The following ATXN7 variants were observed in gnomAD, a reference collection of about 807,000 sequenced individuals.
ATXN7 encodes ataxin 7.
In ATXN7, 12 loss-of-function variants were observed where a neutral mutation model predicts 70.5. The ratio of observed to expected loss-of-function variants is 0.17; its 90% CI spans 0.11 to 0.28. The LOEUF (loss-of-function observed/expected upper bound fraction) is 0.28. Among genes scored for constraint, ATXN7 ranks in the 10% least tolerant of loss-of-function variants. ATXN7 has a pLI of 1.00. For missense variants in ATXN7, 1,256 were observed against 1,131.7 expected, an observed-to-expected ratio of 1.11 and a Z score of -1.58; for synonymous variants, 498 against 448.7, an observed-to-expected ratio of 1.11 and a Z score of -1.39.
intron 1 of ATXN7, among the ~76,000 whole-genome samples, chr3:63,897,982 A>C (rs1703495278): frequency 6.6e-6 from 1 of 152,228 alleles, no homozygotes; most frequent in Non-Finnish European, 1.5e-5. Context: ...CTGAAATGAT[A>C]AAGAACGACA....
At chr3:63,989,785 G>A (rs775785473) in intron 9 of ATXN7, among the ~76,000 whole-genome samples, 3 of 152,254 alleles carry the variant, frequency 2.0e-5, no homozygotes, top group Non-Finnish European at 4.4e-5. Flanking sequence ...CATGGATACC[G>A]AGGGACAACT....
At chr3:63,881,272 G>T (rs1263840781) in intron 1 of ATXN7, among the ~76,000 whole-genome samples, 1 of 152,014 alleles carries the variant, frequency 6.6e-6, no homozygotes, top group Non-Finnish European at 1.5e-5. Flanking sequence ...CCAATGCTGA[G>T]AATGCTGAGG....
At chr3:63,997,894 G>C (rs1353463917) in intron 12 of ATXN7, 1 of 985,314 alleles carries the variant, frequency 1.0e-6, no homozygotes, top group Non-Finnish European at 1.2e-6. Context: ...CTAGCTGCAT[G>C]CATTATGGGT....
chr3:63,890,894 C>A (rs557640946), intron 1 of ATXN7, among the ~76,000 whole-genome samples: 1 of 152,336 alleles, frequency 6.6e-6, no homozygotes, highest in East Asian at 1.9e-4. Context: ...GGAGCCCTTT[C>A]CATTTGACCA....
intron 5 of ATXN7, among the ~76,000 whole-genome samples, chr3:63,975,769 A>G (rs1472586479): frequency 6.6e-6 from 1 of 152,130 alleles, no homozygotes; most frequent in African/African-American, 2.4e-5. Context: ...CTACACCACT[A>G]CTAATATCCT....
intron 5 of ATXN7, among the ~76,000 whole-genome samples, chr3:63,977,073 C>G (rs148322295): frequency 3.3e-5 from 5 of 152,190 alleles, no homozygotes; most frequent in Non-Finnish European, 5.9e-5. Flanking sequence ...GTTAATAACA[C>G]CCATGGTGGT....
chr3:63,916,425 C>T (rs73834137), intron 4 of ATXN7, among the ~76,000 whole-genome samples: 136 of 152,310 alleles, frequency 8.9e-4, no homozygotes, highest in African/African-American at 2.3e-3. Context: ...ATCATTTACA[C>T]GTCCCCACCC....
chr3:63,900,012 A>G (rs1238221393), intron 2 of ATXN7, among the ~76,000 whole-genome samples: 1 of 152,142 alleles, frequency 6.6e-6, no homozygotes, highest in Admixed American at 6.5e-5. Flanking sequence ...TGAGCTCAAG[A>G]GCTTGAGGCG....
At chr3:63,952,644 G>T (rs1003839169) in intron 5 of ATXN7, among the ~76,000 whole-genome samples, 161 bp downstream of exon 5, 3 of 151,972 alleles carry the variant, frequency 2.0e-5, no homozygotes, top group African/African-American at 7.3e-5. Context: ...CAGATGTTGG[G>T]TATTTTTAAA....
intron 4 of ATXN7, among the ~76,000 whole-genome samples, chr3:63,942,598 T>G (rs1362989152): frequency 6.6e-6 from 1 of 152,196 alleles, no homozygotes; most frequent in Non-Finnish European, 1.5e-5. Context: ...AATGATGTAT[T>G]TAGAATACCT....
At chr3:63,884,834 T>C (rs1310646640) in intron 1 of ATXN7, among the ~76,000 whole-genome samples, 3 of 151,486 alleles carry the variant, frequency 2.0e-5, no homozygotes, top group Non-Finnish European at 2.9e-5. Flanking sequence ...TTTTTTTGTA[T>C]TTTTTATAGA....
At chr3:63,895,286 A>G (rs1703407704) in intron 1 of ATXN7, among the ~76,000 whole-genome samples, 1 of 152,188 alleles carries the variant, frequency 6.6e-6, no homozygotes, top group Non-Finnish European at 1.5e-5. Flanking sequence ...CTGAATCTTA[A>G]CAGAACACAG....
chr3:63,931,701 C>T (rs905416859), intron 4 of ATXN7, among the ~76,000 whole-genome samples: 4 of 152,134 alleles, frequency 2.6e-5, no homozygotes, highest in African/African-American at 9.7e-5. Context: ...TTTGTCTCCA[C>T]CCATACCCTC....
At chr3:63,942,283 C>G (rs1476915466) in intron 4 of ATXN7, among the ~76,000 whole-genome samples, 1 of 152,210 alleles carries the variant, frequency 6.6e-6, no homozygotes, top group Non-Finnish European at 1.5e-5. Flanking sequence ...ATCCCAGCTC[C>G]TCTGCTTACT....
chr3:63,973,654 T>G (rs1313649358), intron 5 of ATXN7, among the ~76,000 whole-genome samples: 1 of 152,126 alleles, frequency 6.6e-6, no homozygotes, highest in Non-Finnish European at 1.5e-5. Context: ...TGGCAGTTCC[T>G]GAGCTCTTGA....
At chr3:63,916,027 G>C (rs1344838821) in intron 4 of ATXN7, among the ~76,000 whole-genome samples, 2 of 152,144 alleles carry the variant, frequency 1.3e-5, no homozygotes, top group Admixed American at 1.3e-4. Context: ...ATATGCACTT[G>C]ACTTGAATTC....
At chr3:63,907,676 C>G (rs1405204060) in intron 2 of ATXN7, among the ~76,000 whole-genome samples, 1 of 150,060 alleles carries the variant, frequency 6.7e-6, no homozygotes, top group Non-Finnish European at 1.5e-5. Flanking sequence ...GTTGCCCAGA[C>G]TGGTCTCCAA....
At chr3:63,886,471 A>G (rs1390659970) in intron 1 of ATXN7, among the ~76,000 whole-genome samples, 1 of 152,248 alleles carries the variant, frequency 6.6e-6, no homozygotes, top group Non-Finnish European at 1.5e-5. Context: ...TAATATATAC[A>G]TAAAAGATCA....
intron 5 of ATXN7, among the ~76,000 whole-genome samples, chr3:63,954,467 T>G (rs745439018): frequency 1.6e-4 from 25 of 152,250 alleles, no homozygotes; most frequent in Middle Eastern, 3.4e-3. Context: ...AGGGCCTCAG[T>G]GCCAATCGGA....
Sources: gnomAD v4.1 joint callset for allele counts (sites outside exome capture counted in the v4.1 genomes callset) on GRCh38, gnomAD v4.1.1 for gene constraint, MANE v1.5 for transcripts, NCBI Gene and HGNC (gene_info 2026-07-23, HGNC 2026-07-21) for gene names.